Variants in ZNF248 observed in about 807,000 individuals in gnomAD.
The protein encoded by ZNF248 is zinc finger protein 248.
A neutral mutation model predicts 44.3 loss-of-function variants in ZNF248; 20 were observed. That is an observed-to-expected ratio of 0.45 (90% CI 0.32 to 0.66). ZNF248 has a LOEUF of 0.66. ZNF248 is among the 30% of genes least tolerant of loss of function. ZNF248 has a pLI of 0.04. For missense variants in ZNF248, 654 were observed against 677.0 expected, an observed-to-expected ratio of 0.97 and a Z score of 0.38; for synonymous variants, 224 against 229.0, an observed-to-expected ratio of 0.98 and a Z score of 0.20.
intron 6 of ZNF248, among the ~76,000 whole-genome samples, chr10:37,786,538 T>C (rs2047891510): frequency 6.6e-6 from 1 of 152,188 alleles, no homozygotes. Flanking sequence ...ATAATGCAAA[T>C]AATTAAAAAT....
intron 3 of ZNF248, among the ~76,000 whole-genome samples, chr10:37,841,334 G>C (rs1161413628): frequency 6.6e-6 from 1 of 151,618 alleles, no homozygotes; most frequent in Non-Finnish European, 1.5e-5. Context: ...ATGACTAAAA[G>C]TATTTATTTT....
At chr10:37,835,515 C>A (rs1229142418) in intron 5 of ZNF248, among the ~76,000 whole-genome samples, 2 of 152,164 alleles carry the variant, frequency 1.3e-5, no homozygotes, top group Non-Finnish European at 2.9e-5. Context: ...CACCTACATA[C>A]AATCACACTC....
chr10:37,776,620 C>G, intron 6 of ZNF248: 2 of 397,680 alleles, frequency 5.0e-6, no homozygotes, highest in Non-Finnish European at 8.9e-6. Flanking sequence ...ACTCAGGGTT[C>G]CAAATCTCAA....
intron 6 of ZNF248, among the ~76,000 whole-genome samples, chr10:37,804,101 C>CTTTTTTTTTTTTTTTTTT (rs59261731): frequency 8.0e-6 from 1 of 124,928 alleles, no homozygotes; most frequent in Non-Finnish European, 1.6e-5. Flanking sequence ...TTTTCTTTTT[C>CTTTTTTTTTTTTTTTTTT]TTTTTTTTTT....
chr10:37,854,839 C>T (rs1311033847), intron 3 of ZNF248, among the ~76,000 whole-genome samples: 1 of 152,184 alleles, frequency 6.6e-6, no homozygotes, highest in Non-Finnish European at 1.5e-5. Flanking sequence ...AAATGCTATT[C>T]ATGTTCTGTC....
chr10:37,829,482 A>C lies in ZNF248; in HGVS notation c.*2133T>G. The C allele has an allele frequency of 1.0e-6, 1 of 985,332 alleles. No individual in the cohort carries two copies. The highest frequency in any genetic ancestry group is 1.2e-6 in the Non-Finnish European group (1 of 829,902). 61.0% of individuals were successfully genotyped at this position (985,332 alleles called of 1,614,324 possible). A position where few individuals can be genotyped will look rare whatever the true frequency, so the allele number is the denominator to read the frequency against. Reference sequence around the variant, plus strand: ...CTTCCCCCTAATTACCATATAGAACATTAACACTTAGAAAAATATTCCTCT... The same window carrying C: ...CTTCCCCCTAATTACCATATAGAACCTTAACACTTAGAAAAATATTCCTCT... On this transcript the variant is annotated 3_prime_UTR_variant, in exon 6 of 6. Coordinates refer to ENST00000395867, the MANE Select transcript of ZNF248 (RefSeq NM_021045.3).
rs139894761 is a variant in ZNF248, at chr10:37,851,904, C to T, written c.15+4392G>A. On this transcript the variant is annotated intron_variant, in intron 3 of 5. Transcript: ENST00000395867. The stretch of plus-strand genomic sequence containing the variant: ...TCACAGCAGTTTTATTTTTCATAGC[C>T]CAAAATTGGAAGTTAACCCAGAGGT... Among the ~76,000 whole-genome samples, 33 of 151,790 alleles carry T rather than the reference C, an allele frequency of 2.2e-4. No individual in the cohort carries two copies. The East Asian group carries it at 6.2e-3, about 29-fold the overall frequency.
chr10:37,854,838 T>A (rs1436633630), intron 3 of ZNF248, among the ~76,000 whole-genome samples: 1 of 152,234 alleles, frequency 6.6e-6, no homozygotes, highest in Non-Finnish European at 1.5e-5. Flanking sequence ...AAAATGCTAT[T>A]CATGTTCTGT....
chr10:37,832,801 A>G lies in ZNF248; in HGVS notation c.554T>C (p.Ile185Thr), dbSNP rs372789746. ...ATCATATTTATAAGACTTCTCTCCA[A>G]TAGGGATTTTCTCATGCCTAATATC... The part of the protein sequence containing the change: ...LLDIRHEKIP[I>T]GEKSYKYDQK... The change falls in exon 6 of 6, where the codon ATT becomes ACT. Residue 185 changes from isoleucine (I) to threonine (T), a missense_variant. Physicochemically the swap from Ile to Thr is moderately conservative, Grantham distance 89. Coordinates refer to ENST00000395867, the MANE Select transcript of ZNF248 (RefSeq NM_021045.3). The G allele has an allele frequency of 3.7e-6, 6 of 1,613,724 alleles. No homozygotes were observed. Among genetic ancestry groups the G allele is most frequent in the Non-Finnish European group, 5.1e-6 (6 of 1,179,868 alleles).
intron 6 of ZNF248, among the ~76,000 whole-genome samples, chr10:37,802,616 G>GA (rs1290304209): frequency 1.3e-5 from 2 of 151,996 alleles, no homozygotes; most frequent in Non-Finnish European, 2.9e-5. Context: ...TAAAACACTG[G>GA]AAAAAAATGC....
At chr10:37,819,269 T>C in intron 6 of ZNF248, 1 of 906,378 alleles carries the variant, frequency 1.1e-6, no homozygotes, top group Non-Finnish European at 1.9e-6. Context: ...GAAGTTTAGA[T>C]CATTTCCCTC....
downstream of ZNF248, among the ~76,000 whole-genome samples, chr10:37,825,834 C>T (rs962423542): frequency 6.6e-6 from 1 of 150,940 alleles, no homozygotes; most frequent in African/African-American, 2.4e-5. Context: ...CCCTATTATC[C>T]AGAGAGTAGA....
chr10:37,856,658 GT>G (rs1260340062), intron 1 of ZNF248, 126 bp from the exon 2 acceptor site: 5 of 1,027,708 alleles, frequency 4.9e-6, no homozygotes, highest in Middle Eastern at 4.6e-4. Context: ...AGGCCATATT[GT>G]TTATCTGTTT....
downstream of ZNF248, among the ~76,000 whole-genome samples, chr10:37,827,005 A>G (rs2054483534): frequency 1.3e-5 from 2 of 152,194 alleles, no homozygotes; most frequent in South Asian, 4.1e-4. Context: ...TGGGTTGAAG[A>G]GAACTCATCT....
intron 6 of ZNF248, among the ~76,000 whole-genome samples, chr10:37,783,546 T>C (rs1228468258): frequency 1.3e-5 from 2 of 152,208 alleles, no homozygotes; most frequent in Non-Finnish European, 2.9e-5. Context: ...CTTTTGTGCA[T>C]CAAATGATGT....
chr10:37,791,038 A>ATTTGTTTT (rs1554813574), intron 6 of ZNF248, among the ~76,000 whole-genome samples: 1 of 39,644 alleles, frequency 2.5e-5, no homozygotes, highest in African/African-American at 9.7e-5. Flanking sequence ...ATACTTTGTT[A>ATTTGTTTT]TTTCTTTTTT....
Position 37,831,159 on chromosome 10 carries a change from C to G in ZNF248, c.*456G>C. 6.6e-7 allele frequency: 1 copy of G among 1,508,742 alleles called. No individual in the cohort carries two copies. The highest frequency in any genetic ancestry group is 8.9e-7 in the Non-Finnish European group (1 of 1,126,400). The allele number at this position is 1,508,742 out of a possible 1,614,324, so 93.5% of individuals were successfully genotyped here. ...TAGTTACTCAATTAAGGGTACGTAT[C>G]TTCTCCTTATGATCATGTTGAGTTC... is the stretch of plus-strand genomic sequence containing the variant. On this transcript the variant is annotated 3_prime_UTR_variant, in exon 6 of 6. Coordinates refer to ENST00000395867, the MANE Select transcript of ZNF248 (RefSeq NM_021045.3).
chr10:37,813,786 G>A (rs1014241136), intron 6 of ZNF248, among the ~76,000 whole-genome samples: 3 of 151,980 alleles, frequency 2.0e-5, no homozygotes, highest in Non-Finnish European at 4.4e-5. Flanking sequence ...CTGTGTTGGG[G>A]GTCAGTGCCC....
intron 6 of ZNF248, among the ~76,000 whole-genome samples, chr10:37,811,433 T>A (rs2133396474): frequency 1.3e-5 from 2 of 151,110 alleles, no homozygotes; most frequent in East Asian, 1.9e-4. Flanking sequence ...AGCAAAAAAA[T>A]AAATAAATAA....
Sources: gnomAD v4.1 joint callset for allele counts (sites outside exome capture counted in the v4.1 genomes callset) on GRCh38, gnomAD v4.1.1 for gene constraint, MANE v1.5 for transcripts, NCBI Gene and HGNC (gene_info 2026-07-23, HGNC 2026-07-21) for gene names.